Variants in NKD1 observed in about 807,000 individuals in gnomAD.
NKD1 encodes the protein NKD inhibitor of Wnt signaling pathway 1, also known as protein naked cuticle homolog 1.
NKD1 carries 21 observed loss-of-function variants against 56.0 expected under a neutral mutation model. The ratio of observed to expected loss-of-function variants is 0.38; its 90% CI spans 0.27 to 0.54. The LOEUF is 0.54. NKD1 is among the 20% of genes least tolerant of loss of function. The pLI, the probability that NKD1 is intolerant of heterozygous loss-of-function variation, is 0.82. For synonymous variants in NKD1, 263 were observed against 265.7 expected (o/e 0.99, Z 0.10); for missense variants, 578 against 642.7 (o/e 0.90, Z 1.09).
At chr16:50,625,685 C>T in intron 6 of NKD1, 105 bp downstream of exon 6, 1 of 743,944 alleles carries the variant, frequency 1.3e-6, no homozygotes, top group South Asian at 1.6e-5. Flanking sequence ...TCGGTCCTGC[C>T]CCTCAGGGAA....
At chr16:50,567,666 C>T (rs1219354709) in intron 3 of NKD1, among the ~76,000 whole-genome samples, 4 of 152,340 alleles carry the variant, frequency 2.6e-5, no homozygotes, top group Non-Finnish European at 4.4e-5. Flanking sequence ...GCAGAGTCCC[C>T]GATCTCAACT....
rs113491132 is a variant in NKD1 at position 50,579,681 on chromosome 16, G to A, written c.193-28613G>A. The stretch of plus-strand genomic sequence containing the variant: ...CTACACACGCACTCTAACCCGCCAC[G>A]CATGCACTGTCTTACTCCTGCGGGC... On this transcript the variant is annotated intron_variant, in intron 3 of 9. Transcript: ENST00000268459. Among the ~76,000 whole-genome samples, 6 of 129,410 alleles carry A rather than the reference G, an allele frequency of 4.6e-5. No homozygotes were observed. The East Asian group carries it at 7.4e-4, about 16-fold the overall frequency. 84.9% of individuals were successfully genotyped at this position (129,410 alleles called of 152,430 possible).
chr16:50,599,790 T>A (rs1380255987), intron 3 of NKD1, among the ~76,000 whole-genome samples: 1 of 152,194 alleles, frequency 6.6e-6, no homozygotes, highest in East Asian at 1.9e-4. Flanking sequence ...CTCTGGGCAA[T>A]TGGCCCTACA....
rs1366849226 is a variant in NKD1, at chr16:50,621,632, T to C, written c.290T>C (p.Leu97Pro). 15 of 1,613,792 alleles carry C rather than the reference T, an allele frequency of 9.3e-6. No homozygotes were observed. The African/African-American group carries it at 1.6e-4, about 17-fold the overall frequency. Residue 97 changes from leucine to proline, a missense_variant, in exon 5 of 10, where the codon CTG (leucine) becomes CCG (proline). By Grantham distance (98) the Leu-to-Pro change is moderately conservative. Transcript: ENST00000268459. Reference sequence around the variant, plus strand: ...CTGCCTCCTGAGAAGACTGACGGGCTGGGCAGCGGAGATGAGAAGAAGATG... The same window carrying C: ...CTGCCTCCTGAGAAGACTGACGGGCCGGGCAGCGGAGATGAGAAGAAGATG... ...VALPPEKTDG[L>P]GSGDEKKMER... is the part of the protein sequence containing the mutation.
chr16:50,622,159 C>T (rs185518982), intron 5 of NKD1, among the ~76,000 whole-genome samples: 16 of 152,314 alleles, frequency 1.1e-4, no homozygotes, highest in African/African-American at 3.6e-4. Context: ...CCTGAGTTTC[C>T]CCATGTGGGC....
intron 3 of NKD1, among the ~76,000 whole-genome samples, chr16:50,568,938 C>G (rs1383177592): frequency 6.6e-6 from 1 of 152,194 alleles, no homozygotes; most frequent in African/African-American, 2.4e-5. Context: ...TTGCTCCCGT[C>G]TTGCTTCTGA....
In NKD1 at chr16:50,621,605, C is replaced by A; in HGVS notation, c.263C>A (p.Ala88Asp). 1 of 1,613,004 alleles carries A rather than the reference C, an allele frequency of 6.2e-7. No homozygotes were observed. The highest frequency in any genetic ancestry group is 1.1e-5 in the South Asian group (1 of 90,928). ...CCCTCGCCTGCCTCCCCGACAGTGG[C>A]CCTGCCTCCTGAGAAGACTGACGGG... is the stretch of plus-strand genomic sequence containing the variant. ...EEEDDFRLEVALPPEKTDGLG... is the reference protein window; with the variant it reads ...EEEDDFRLEVDLPPEKTDGLG... The change falls in exon 5 of 10, where the codon GCC becomes GAC. Residue 88 changes from alanine (A) to aspartate (D), a missense_variant. Ala to Asp is a moderately radical substitution (Grantham distance 126). Coordinates refer to ENST00000268459, the MANE Select transcript of NKD1 (RefSeq NM_033119.5).
intron 3 of NKD1, chr16:50,608,025 T>C: frequency 2.2e-6 from 1 of 463,322 alleles, no homozygotes; most frequent in Non-Finnish European, 4.0e-6. Context: ...AAGGCATGTG[T>C]GTTGGTGAAA....
intron 6 of NKD1, among the ~76,000 whole-genome samples, chr16:50,627,799 A>G (rs1368806461): frequency 3.3e-5 from 5 of 152,218 alleles, no homozygotes; most frequent in Non-Finnish European, 5.9e-5. Context: ...GCCAAAGCAC[A>G]TAGGCTCTGA....
chr16:50,593,229 C>G (rs534293321), intron 3 of NKD1, among the ~76,000 whole-genome samples: 1 of 152,122 alleles, frequency 6.6e-6, no homozygotes, highest in Non-Finnish European at 1.5e-5. Flanking sequence ...AGCGAGTGAG[C>G]AGGACTCACT....
At position 50,648,695 on chromosome 16, in the gene NKD1, C is replaced by T. The variant is rs550921890; in HGVS notation, c.*14914C>T. The T allele has an allele frequency of 6.6e-6, 1 of 152,210 alleles. No homozygotes were observed. Among genetic ancestry groups the T allele is most frequent in the Non-Finnish European group, 1.5e-5 (1 of 68,042 alleles). 9.4% of individuals were successfully genotyped at this position (152,210 alleles called of 1,614,324 possible). A position where few individuals can be genotyped will look rare whatever the true frequency, so the allele number is the denominator to read the frequency against. ...AAAGACTACAGTTCTCAGACTCCTT[C>T]GCAAATAAATTTTGTGACTAAACTC... On this transcript the variant is annotated 3_prime_UTR_variant, in exon 10 of 10. Transcript: ENST00000268459.
chr16:50,633,142 C>T lies in NKD1; in HGVS notation c.824-50C>T. 1 of 1,523,130 alleles carries T rather than the reference C, an allele frequency of 6.6e-7. No homozygotes were observed. 94.4% of individuals were successfully genotyped at this position (1,523,130 alleles called of 1,614,324 possible). ...GGTGATGTCTGGGGTATAGCGCAAG[C>T]CCCAGCACACAGTAGGTGCTCATTA... On this transcript the variant is annotated intron_variant, in intron 9 of 9. Transcript: ENST00000268459. This position sits in a 1 kb window ranked among gnomAD's most constrained non-coding sequence, Gnocchi z 4.9.
In NKD1 at chr16:50,636,618, C is replaced by T. The variant is rs2151282450; in HGVS notation, c.*2837C>T. The T allele has an allele frequency of 6.6e-6, 1 of 152,348 alleles. No individual in the cohort carries two copies. The highest frequency in any genetic ancestry group is 3.4e-3 in the Middle Eastern group (1 of 294). 9.4% of individuals were successfully genotyped at this position (152,348 alleles called of 1,614,324 possible). On this transcript the variant is annotated 3_prime_UTR_variant, in exon 10 of 10. Coordinates refer to ENST00000268459, the MANE Select transcript of NKD1 (RefSeq NM_033119.5). ...GTAGCTCTGTGCTTCAATTGAAATA[C>T]TGTGCCTCAGTTTCTCCTTTATAAA...
At chr16:50,581,551 G>A (rs1344663180) in intron 3 of NKD1, among the ~76,000 whole-genome samples, 4 of 152,232 alleles carry the variant, frequency 2.6e-5, no homozygotes, top group African/African-American at 9.7e-5. Flanking sequence ...TCCCAAAGAT[G>A]CAGACTTTCC....
intron 4 of NKD1, among the ~76,000 whole-genome samples, chr16:50,613,876 G>A (rs1381912073): frequency 1.3e-5 from 2 of 152,138 alleles, no homozygotes; most frequent in African/African-American, 4.8e-5. Flanking sequence ...ATCCTGTTCA[G>A]ATGTCAAAGC....
chr16:50,606,590 T>C, intron 3 of NKD1: 1 of 357,010 alleles, frequency 2.8e-6, no homozygotes, highest in Non-Finnish European at 5.6e-6. Flanking sequence ...GTCATTGTCA[T>C]AGGGTCCCAC....
At chr16:50,579,369 C>G (rs1483061797) in intron 3 of NKD1, among the ~76,000 whole-genome samples, 1 of 147,818 alleles carries the variant, frequency 6.8e-6, no homozygotes, top group Non-Finnish European at 1.5e-5. Flanking sequence ...GCGGGCTACC[C>G]GCTACACACG....
chr16:50,587,084 G>T (rs1961247080), intron 3 of NKD1, among the ~76,000 whole-genome samples: 1 of 152,184 alleles, frequency 6.6e-6, no homozygotes, highest in African/African-American at 2.4e-5. Flanking sequence ...GTACTCACAT[G>T]TATTAAAATA....
chr16:50,591,788 C>A (rs536978542), intron 3 of NKD1, among the ~76,000 whole-genome samples: 2 of 152,330 alleles, frequency 1.3e-5, no homozygotes, highest in Admixed American at 6.5e-5. Context: ...ATAAAATGAG[C>A]GTGCGCCACC....
Sources: gnomAD v4.1 joint callset for allele counts (sites outside exome capture counted in the v4.1 genomes callset) on GRCh38, gnomAD v4.1.1 for gene constraint, Gnocchi (gnomAD v3.1) non-coding constraint, MANE v1.5 for transcripts, NCBI Gene and HGNC (gene_info 2026-07-23, HGNC 2026-07-21) for gene names.